The following ROR2 variants were observed in gnomAD, a reference collection of about 807,000 sequenced individuals.
ROR2 encodes ROR family WNT receptor 2.
In ROR2, 33 loss-of-function variants were observed where a neutral mutation model predicts 74.9. The observed-to-expected ratio is 0.44, with a 90% CI of 0.33 to 0.59. The LOEUF (loss-of-function observed/expected upper bound fraction) is 0.59. Among genes scored for constraint, ROR2 ranks in the 20% least tolerant of loss-of-function variants. The pLI, the probability that ROR2 is intolerant of heterozygous loss-of-function variation, is 0.02. For missense variants in ROR2, 1,216 were observed against 1,313.8 expected (o/e 0.93, Z 1.15); for synonymous variants, 586 against 558.7 (o/e 1.05, Z -0.69).
chr9:91,920,731 C>A (rs1831243184), intron 1 of ROR2, among the ~76,000 whole-genome samples: 1 of 152,090 alleles, frequency 6.6e-6, no homozygotes, highest in African/African-American at 2.4e-5. Flanking sequence ...AACAAATACA[C>A]ATGACAGATA....
In ROR2 at chr9:91,867,670, G is replaced by C. The variant is rs944264596; in HGVS notation, c.97+82197C>G. Reference sequence around the variant, plus strand: ...CCACCCATGAGCTGTGTGTGTGTGTGTGTGTGTGTGTGTGTGTGTGTGTGT... The same window carrying C: ...CCACCCATGAGCTGTGTGTGTGTGTCTGTGTGTGTGTGTGTGTGTGTGTGT... On this transcript the variant is annotated intron_variant, in intron 1 of 8. Coordinates refer to ENST00000375708, the MANE Select transcript of ROR2 (RefSeq NM_004560.4). Among the ~76,000 whole-genome samples, 6 of 149,976 alleles carry C rather than the reference G, an allele frequency of 4.0e-5. No homozygotes were observed. The East Asian group carries it at 5.9e-4, about 15-fold the overall frequency.
intron 1 of ROR2, among the ~76,000 whole-genome samples, chr9:91,937,029 C>T (rs1050841471): frequency 1.5e-5 from 1 of 65,662 alleles, no homozygotes; most frequent in East Asian, 4.9e-4. Context: ...GACTCCGTCT[C>T]AAAAAAAAAA....
chr9:91,774,696 A>G (rs1287258671), intron 2 of ROR2, among the ~76,000 whole-genome samples: 5 of 152,166 alleles, frequency 3.3e-5, no homozygotes, highest in Non-Finnish European at 7.4e-5. Context: ...GGGTTTATAC[A>G]TCAGAGAAGA....
chr9:91,906,531 CA>C (rs1830822980), intron 1 of ROR2, among the ~76,000 whole-genome samples: 1 of 152,268 alleles, frequency 6.6e-6, no homozygotes. Flanking sequence ...GAATGCCCCT[CA>C]ATTCTCTGAC....
intron 1 of ROR2, among the ~76,000 whole-genome samples, chr9:91,822,673 T>C (rs1438564874): frequency 2.6e-5 from 4 of 152,172 alleles, no homozygotes; most frequent in African/African-American, 9.7e-5. Flanking sequence ...GGGAACAAGA[T>C]AGATACAGAA....
chr9:91,815,307 T>C (rs1048134535), intron 1 of ROR2, among the ~76,000 whole-genome samples: 4 of 152,234 alleles, frequency 2.6e-5, no homozygotes, highest in African/African-American at 9.6e-5. Context: ...TAAAATGATT[T>C]TTCTCTTATG....
At chr9:91,745,618 G>A (rs1475127102) in intron 4 of ROR2, among the ~76,000 whole-genome samples, 3 of 151,532 alleles carry the variant, frequency 2.0e-5, no homozygotes, top group African/African-American at 7.3e-5. Flanking sequence ...TAGGGATGGG[G>A]TTTCACCATG....
rs535888501 is a variant in ROR2, at chr9:91,760,285, T to G, written c.176-2726A>C. 2.6e-4 allele frequency among the ~76,000 whole-genome samples: 39 copies of G among 152,370 alleles called. No individual in the cohort carries two copies. The South Asian group carries it at 5.8e-3, about 23-fold the overall frequency. On this transcript the variant is annotated intron_variant, in intron 2 of 8. Coordinates refer to ENST00000375708, the MANE Select transcript of ROR2 (RefSeq NM_004560.4). ...CACTAAATCACTTGGCTTGTTGCTG[T>G]GGCAACATCACATTTGTTAAATTAT...
At chr9:91,835,029 A>C (rs893205935) in intron 1 of ROR2, among the ~76,000 whole-genome samples, 1 of 152,322 alleles carries the variant, frequency 6.6e-6, no homozygotes, top group East Asian at 1.9e-4. Flanking sequence ...AGGGATGAGG[A>C]GCCTGAGGCC....
At chr9:91,793,873 A>G (rs1827085891) in intron 1 of ROR2, among the ~76,000 whole-genome samples, 1 of 152,248 alleles carries the variant, frequency 6.6e-6, no homozygotes, top group Non-Finnish European at 1.5e-5. Flanking sequence ...AAACTGGGAT[A>G]GGAAAGAGAG....
chr9:91,763,738 CAATT>C (rs1377246062), intron 2 of ROR2, among the ~76,000 whole-genome samples: 4 of 152,094 alleles, frequency 2.6e-5, no homozygotes. Flanking sequence ...TTTAGCCATC[CAATT>C]AATTAATCTT....
chr9:91,836,539 C>CAAAAAAAAAAAAAAA (rs753563302), intron 1 of ROR2, among the ~76,000 whole-genome samples: 4 of 102,480 alleles, frequency 3.9e-5, no homozygotes, highest in African/African-American at 1.3e-4. Flanking sequence ...GATTCCATCT[C>CAAAAAAAAAAAAAAA]AAAAAAAAAA....
In ROR2 at chr9:91,781,250, G is replaced by A. The variant is rs181242623; in HGVS notation, c.98-5432C>T. Among the ~76,000 whole-genome samples, 16 of 152,254 alleles carry A rather than the reference G, an allele frequency of 1.1e-4. 2 individuals are homozygous for A. The highest frequency in any genetic ancestry group is 2.6e-4 in the African/African-American group (11 of 41,540). On this transcript the variant is annotated intron_variant, in intron 1 of 8. Coordinates refer to ENST00000375708, the MANE Select transcript of ROR2 (RefSeq NM_004560.4). ...AAAAAGCACAGCCTGAGAAAGTGACGGTGCTGCAAACCAGACACCCCCTGA... is the reference window on the plus strand; with the variant it reads ...AAAAAGCACAGCCTGAGAAAGTGACAGTGCTGCAAACCAGACACCCCCTGA...
intron 1 of ROR2, among the ~76,000 whole-genome samples, chr9:91,798,328 C>G (rs1217360661): frequency 7.6e-6 from 1 of 132,118 alleles, no homozygotes; most frequent in Non-Finnish European, 1.6e-5. Flanking sequence ...GGCTGACGCC[C>G]TGGGCTAGTG....
intron 1 of ROR2, among the ~76,000 whole-genome samples, chr9:91,916,864 G>A (rs1587845018): frequency 6.6e-6 from 1 of 152,220 alleles, no homozygotes; most frequent in Non-Finnish European, 1.5e-5. Context: ...CACCAACATG[G>A]TAGAAAGATT....
intron 1 of ROR2, among the ~76,000 whole-genome samples, chr9:91,911,437 G>A (rs939983274): frequency 6.6e-6 from 1 of 152,198 alleles, no homozygotes; most frequent in Non-Finnish European, 1.5e-5. Context: ...ACAGAAAAGT[G>A]CAGTTAAAAT....
intron 1 of ROR2, among the ~76,000 whole-genome samples, chr9:91,794,162 A>AT (rs963981495): frequency 6.6e-6 from 1 of 152,266 alleles, no homozygotes; most frequent in Non-Finnish European, 1.5e-5. Flanking sequence ...TAGACACACA[A>AT]TTGTTAAATG....
At chr9:91,881,452 C>T (rs563870391) in intron 1 of ROR2, among the ~76,000 whole-genome samples, 1 of 152,250 alleles carries the variant, frequency 6.6e-6, no homozygotes, top group South Asian at 2.1e-4. Context: ...TTGTTTATAT[C>T]TGTTAGTGTA....
chr9:91,744,981 G>A (rs1825362029), intron 4 of ROR2, among the ~76,000 whole-genome samples: 1 of 152,204 alleles, frequency 6.6e-6, no homozygotes, highest in African/African-American at 2.4e-5. Context: ...CTAGCCCCTG[G>A]AATCCACGGG....
Sources: allele counts gnomAD v4.1 joint callset (sites outside exome capture counted in the v4.1 genomes callset), GRCh38; gene constraint gnomAD v4.1.1; transcripts MANE v1.5; gene names NCBI Gene and HGNC (gene_info 2026-07-23, HGNC 2026-07-21).